PAX2: variants seen among roughly 807,000 people sequenced by gnomAD.
The protein encoded by PAX2 is paired box 2.
PAX2 carries 9 observed loss-of-function variants against 41.7 expected under a neutral mutation model. The observed-to-expected ratio is 0.22, with a 90% CI of 0.13 to 0.38. The LOEUF is 0.38. Among genes scored for constraint, PAX2 ranks in the 10% least tolerant of loss-of-function variants. The pLI, the probability that PAX2 is intolerant of heterozygous loss-of-function variation, is 1.00. For missense variants in PAX2, 418 were observed against 531.6 expected, an observed-to-expected ratio of 0.79 and a Z score of 2.10; for synonymous variants, 221 against 212.7, an observed-to-expected ratio of 1.04 and a Z score of -0.34.
intron 5 of PAX2, among the ~76,000 whole-genome samples, chr10:100,800,541 T>G (rs554557396): frequency 6.6e-6 from 1 of 152,158 alleles, no homozygotes; most frequent in Admixed American, 6.5e-5. Flanking sequence ...TCCCAAAGTG[T>G]TGGGATTACA....
intron 3 of PAX2, among the ~76,000 whole-genome samples, chr10:100,778,276 C>T (rs1846473365): frequency 6.6e-6 from 1 of 152,206 alleles, no homozygotes; most frequent in Non-Finnish European, 1.5e-5. Context: ...TGAAGATCTA[C>T]ATCAATTTCC....
At chr10:100,756,863 GC>G (rs1205246131) in intron 3 of PAX2, among the ~76,000 whole-genome samples, 1 of 152,186 alleles carries the variant, frequency 6.6e-6, no homozygotes, top group Non-Finnish European at 1.5e-5. Context: ...TTCAGGTGCA[GC>G]TATCCCCAGT....
At chr10:100,797,788 G>T (rs759617657) in intron 5 of PAX2, among the ~76,000 whole-genome samples, 1 of 152,192 alleles carries the variant, frequency 6.6e-6, no homozygotes, top group Non-Finnish European at 1.5e-5. Flanking sequence ...AAGCTCAGGA[G>T]ATTTATAGCA....
In PAX2 at chr10:100,748,920, C is replaced by T. The variant is rs1008828438; in HGVS notation, c.44-826C>T. ...CCTGGGCGAGACGGTGGGCCCCAAC[C>T]AGGCTCTGCGAGGCGCGGCAGGCAG... On this transcript the variant is annotated intron_variant, in intron 1 of 9. Coordinates refer to ENST00000355243, the MANE Select transcript of PAX2 (RefSeq NM_000278.5). This position sits in a 1 kb window ranked among gnomAD's most constrained non-coding sequence, Gnocchi z 5.0. The T allele has an allele frequency of 2.2e-5, 22 of 985,372 alleles. No homozygotes were observed. Among genetic ancestry groups the T allele is most frequent in the Non-Finnish European group, 2.7e-5 (22 of 829,920 alleles). 61.0% of individuals were successfully genotyped at this position (985,372 alleles called of 1,614,324 possible). A position where few individuals can be genotyped will look rare whatever the true frequency, so the allele number is the denominator to read the frequency against.
At chr10:100,823,953 C>A (rs1002671885) in intron 7 of PAX2, among the ~76,000 whole-genome samples, 1 of 152,194 alleles carries the variant, frequency 6.6e-6, no homozygotes, top group Non-Finnish European at 1.5e-5. Context: ...AGATTTTGCT[C>A]ATTGGAACTT....
chr10:100,797,891 G>A lies in PAX2; in HGVS notation c.617-8539G>A, dbSNP rs35089835. On this transcript the variant is annotated intron_variant, in intron 5 of 9. Coordinates refer to ENST00000355243, the MANE Select transcript of PAX2 (RefSeq NM_000278.5). ...ACTAGTACAGTTAGTGTCCCTAGAG[G>A]CCGGTGGGTGTGAATGGGTACAGCA... Among the ~76,000 whole-genome samples, 1,147 of 152,208 alleles carry A rather than the reference G, an allele frequency of 7.5e-3. 28 individuals are homozygous for A. The highest frequency in any genetic ancestry group is 0.048 in the East Asian group (249 of 5,172).
At chr10:100,771,034 A>T (rs1458630357) in intron 3 of PAX2, among the ~76,000 whole-genome samples, 3 of 152,204 alleles carry the variant, frequency 2.0e-5, no homozygotes, top group African/African-American at 7.2e-5. Flanking sequence ...TTCAGGTCTA[A>T]GATGGGACCC....
At chr10:100,809,838 A>G (rs1454500312) in intron 7 of PAX2, among the ~76,000 whole-genome samples, 2 of 152,194 alleles carry the variant, frequency 1.3e-5, no homozygotes, top group South Asian at 2.1e-4. Flanking sequence ...TTGGCCCACA[A>G]TCAAATGCAG....
intron 5 of PAX2, among the ~76,000 whole-genome samples, chr10:100,782,724 G>T (rs1846682450): frequency 1.3e-5 from 2 of 152,268 alleles, no homozygotes; most frequent in African/African-American, 4.8e-5. Context: ...TGGCCGCCAC[G>T]GCCTTTGCCA....
intron 5 of PAX2, among the ~76,000 whole-genome samples, chr10:100,790,364 C>T (rs1050138104): frequency 3.3e-5 from 5 of 152,144 alleles, no homozygotes; most frequent in Admixed American, 6.5e-5. Flanking sequence ...TTTGCACCCT[C>T]GTGGACGAGC....
At chr10:100,761,067 T>G (rs1845825110) in intron 3 of PAX2, among the ~76,000 whole-genome samples, 1 of 151,290 alleles carries the variant, frequency 6.6e-6, no homozygotes, top group African/African-American at 2.4e-5. Flanking sequence ...GAGGGGAGGG[T>G]AGAAGAGAGA....
At chr10:100,764,327 T>C (rs1845945239) in intron 3 of PAX2, among the ~76,000 whole-genome samples, 1 of 151,996 alleles carries the variant, frequency 6.6e-6, no homozygotes, top group African/African-American at 2.4e-5. Context: ...GTATTTTTAG[T>C]AGAGACAGGG....
Position 100,748,588 on chromosome 10 carries a change from C to G in PAX2, c.44-1158C>G. On this transcript the variant is annotated intron_variant, in intron 1 of 9. Transcript: ENST00000355243. The surrounding 1 kb of genome is among the most constrained non-coding windows in gnomAD (Gnocchi z 5.0). ...CGCTTGGATTGCTCAGTACCTGCGG[C>G]TACGGGTTGATCGCTCTGGGTGCAG... The G allele has an allele frequency of 2.0e-6, 2 of 985,430 alleles. No individual in the cohort carries two copies. The highest frequency in any genetic ancestry group is 2.4e-6 in the Non-Finnish European group (2 of 829,934). The allele number at this position is 985,430 out of a possible 1,614,324, so 61.0% of individuals were successfully genotyped here.
intron 5 of PAX2, among the ~76,000 whole-genome samples, chr10:100,784,848 T>A (rs1385799893): frequency 6.6e-6 from 1 of 152,198 alleles, no homozygotes; most frequent in Non-Finnish European, 1.5e-5. Context: ...CCCCTTCCCA[T>A]GCCTTGGCCT....
chr10:100,753,161 A>G (rs1845503564), intron 3 of PAX2, among the ~76,000 whole-genome samples: 1 of 152,166 alleles, frequency 6.6e-6, no homozygotes, highest in African/African-American at 2.4e-5. Context: ...CGGGCAGCCT[A>G]CCCTGGGTCC....
At position 100,792,711 on chromosome 10, in the gene PAX2, C is replaced by A. The variant is rs143207570; in HGVS notation, c.616+11346C>A. Among the ~76,000 whole-genome samples, 836 of 152,008 alleles carry A rather than the reference C, an allele frequency of 5.5e-3. 11 individuals are homozygous for A. The highest frequency in any genetic ancestry group is 0.019 in the African/African-American group (794 of 41,448). ...AGGATGGCGTTGGTCCTTTCTCCCC[C>A]CTGCTCTCTCCCTCCCCCTCCCTCC... On this transcript the variant is annotated intron_variant, in intron 5 of 9. Transcript: ENST00000355243.
chr10:100,816,456 C>T (rs1431312496), intron 7 of PAX2, among the ~76,000 whole-genome samples: 2 of 152,344 alleles, frequency 1.3e-5, no homozygotes, highest in Non-Finnish European at 2.9e-5. Context: ...TAAGGTCAGT[C>T]AACCCAACAT....
rs1246270454 is a variant in PAX2 at position 100,750,384 on chromosome 10, G to A, written c.213-310G>A. ...ACCCTGGCCTCCCAGAGACCTTGCA[G>A]CGCTGTTCGTTTTGCTCTTCCCAAG... On this transcript the variant is annotated intron_variant, in intron 2 of 9. Transcript: ENST00000355243. The surrounding 1 kb of genome is among the most constrained non-coding windows in gnomAD (Gnocchi z 4.1). 6.6e-6 allele frequency among the ~76,000 whole-genome samples: 1 copy of A among 152,128 alleles called. No individual in the cohort carries two copies. The highest frequency in any genetic ancestry group is 1.5e-5 in the Non-Finnish European group (1 of 68,016).
chr10:100,744,558 G>C (rs1554854824), upstream of PAX2, among the ~76,000 whole-genome samples: 1 of 152,196 alleles, frequency 6.6e-6, no homozygotes. Flanking sequence ...CGCCTCCTGC[G>C]CTCGCCCCGG....
Sources: gnomAD v4.1 joint callset for allele counts (sites outside exome capture counted in the v4.1 genomes callset) on GRCh38, gnomAD v4.1.1 for gene constraint, Gnocchi (gnomAD v3.1) non-coding constraint, MANE v1.5 for transcripts, NCBI Gene and HGNC (gene_info 2026-07-23, HGNC 2026-07-21) for gene names.